Variants in MAP3K5 observed in about 807,000 individuals in gnomAD.
MAP3K5 encodes ASK-1.
In MAP3K5, 56 loss-of-function variants were observed where a neutral mutation model predicts 158.7. The observed-to-expected ratio is 0.35, with a 90% CI of 0.28 to 0.44. MAP3K5 has a LOEUF of 0.44. Ranked by LOEUF, MAP3K5 falls within the 20% of genes least tolerant of loss-of-function variation. The pLI is 1.00. For synonymous variants in MAP3K5, 579 were observed against 601.7 expected, an observed-to-expected ratio of 0.96 and a Z score of 0.55; for missense variants, 1,294 against 1,674.8, an observed-to-expected ratio of 0.77 and a Z score of 3.97.
chr6:136,629,705 T>C (rs1205714388), intron 14 of MAP3K5, among the ~76,000 whole-genome samples: 3 of 152,082 alleles, frequency 2.0e-5, no homozygotes, highest in East Asian at 3.9e-4. Context: ...CCACCCGCCT[T>C]GGTCTCCCAA....
intron 14 of MAP3K5, among the ~76,000 whole-genome samples, chr6:136,629,628 G>C (rs1470256093): frequency 2.4e-4 from 37 of 151,844 alleles, no homozygotes; most frequent in African/African-American, 8.9e-4. Context: ...CTAATTTTTT[G>C]TATTTTTAGT....
intron 7 of MAP3K5, 67 bp downstream of exon 7, chr6:136,694,073 T>A (rs927721809): frequency 3.6e-5 from 46 of 1,261,788 alleles, no homozygotes; most frequent in Admixed American, 6.3e-5. Context: ...AACACTCTCA[T>A]TTGCAAATAC....
intron 7 of MAP3K5, among the ~76,000 whole-genome samples, chr6:136,681,036 T>A (rs1779911602): frequency 6.6e-6 from 1 of 152,228 alleles, no homozygotes; most frequent in Admixed American, 6.5e-5. Context: ...ATGATTAATC[T>A]ATGCTGTCAG....
intron 1 of MAP3K5, among the ~76,000 whole-genome samples, chr6:136,742,610 C>T (rs1168064867): frequency 6.6e-6 from 1 of 151,742 alleles, no homozygotes; most frequent in Admixed American, 6.6e-5. Context: ...TTTTTAGATA[C>T]AATATCAAAG....
chr6:136,758,406 AC>A (rs1783600055), intron 1 of MAP3K5, among the ~76,000 whole-genome samples: 1 of 152,248 alleles, frequency 6.6e-6, no homozygotes, highest in Non-Finnish European at 1.5e-5. Flanking sequence ...GAAAATGACA[AC>A]AGTCTCTGAA....
At chr6:136,618,379 A>G (rs547016865) in intron 15 of MAP3K5, among the ~76,000 whole-genome samples, 2 of 152,258 alleles carry the variant, frequency 1.3e-5, no homozygotes, top group Non-Finnish European at 2.9e-5. Context: ...GTTCAAGCTA[A>G]GGGCTTGTCA....
intron 1 of MAP3K5, among the ~76,000 whole-genome samples, chr6:136,764,558 T>C (rs1183253116): frequency 6.6e-6 from 1 of 152,158 alleles, no homozygotes; most frequent in African/African-American, 2.4e-5. Context: ...ACCAAGTTTA[T>C]GTGAAACAGA....
At chr6:136,606,428 G>A (rs2129087940) in intron 18 of MAP3K5, among the ~76,000 whole-genome samples, 1 of 152,274 alleles carries the variant, frequency 6.6e-6, no homozygotes, top group South Asian at 2.1e-4. Flanking sequence ...GAGGTGGAGA[G>A]TGTGGTATAA....
intron 18 of MAP3K5, among the ~76,000 whole-genome samples, chr6:136,605,970 T>G (rs148660656): frequency 1.3e-5 from 2 of 152,226 alleles, no homozygotes; most frequent in African/African-American, 4.8e-5. Context: ...CTCCTGCTGC[T>G]GTCTGTGGTC....
chr6:136,582,919 A>G (rs1185917889), intron 24 of MAP3K5, among the ~76,000 whole-genome samples: 1 of 152,194 alleles, frequency 6.6e-6, no homozygotes, highest in African/African-American at 2.4e-5. Context: ...AATGCAGTAC[A>G]GAAGACTGGC....
intron 1 of MAP3K5, among the ~76,000 whole-genome samples, chr6:136,742,247 A>G (rs1782739955): frequency 1.3e-5 from 2 of 152,218 alleles, no homozygotes; most frequent in East Asian, 3.9e-4. Flanking sequence ...CTAAAGCTCT[A>G]TAACAAGACA....
At chr6:136,656,555 T>C in intron 9 of MAP3K5, 95 bp from the exon 10 acceptor site, 5 of 753,508 alleles carry the variant, frequency 6.6e-6, no homozygotes, top group Non-Finnish European at 8.8e-6. Context: ...AATTTATACA[T>C]GACATTAATA....
intron 14 of MAP3K5, among the ~76,000 whole-genome samples, chr6:136,630,708 C>T (rs1333627896): frequency 6.6e-6 from 1 of 152,196 alleles, no homozygotes; most frequent in Non-Finnish European, 1.5e-5. Flanking sequence ...TCATTAGTCT[C>T]CCACCATACA....
At chr6:136,700,207 C>T (rs573558181) in intron 3 of MAP3K5, among the ~76,000 whole-genome samples, 30 of 152,232 alleles carry the variant, frequency 2.0e-4, no homozygotes, top group South Asian at 1.9e-3. Context: ...AATCAAAATA[C>T]ACAATCAAAA....
chr6:136,639,517 T>C (rs1216917128), intron 13 of MAP3K5, 26 bp downstream of exon 13: 2 of 1,338,288 alleles, frequency 1.5e-6, no homozygotes, highest in Non-Finnish European at 2.1e-6. Flanking sequence ...GAAGAATCTT[T>C]TTCACACACA....
chr6:136,711,014 C>T (rs1583459514), intron 2 of MAP3K5, among the ~76,000 whole-genome samples: 1 of 152,120 alleles, frequency 6.6e-6, no homozygotes, highest in South Asian at 2.1e-4. Flanking sequence ...GAAACACCCC[C>T]GTACCCTTTC....
intron 14 of MAP3K5, among the ~76,000 whole-genome samples, chr6:136,628,757 G>T (rs1233989687): frequency 6.6e-6 from 1 of 152,182 alleles, no homozygotes; most frequent in Non-Finnish European, 1.5e-5. Flanking sequence ...ATTGTAAAAA[G>T]AGCAGTGTTA....
intron 23 of MAP3K5, among the ~76,000 whole-genome samples, chr6:136,584,106 A>G (rs1775009698): frequency 6.6e-6 from 1 of 152,218 alleles, no homozygotes; most frequent in African/African-American, 2.4e-5. Context: ...GCTGGTCAGT[A>G]GCCATGATAT....
chr6:136,636,063 T>C (rs924037590), intron 14 of MAP3K5, among the ~76,000 whole-genome samples: 4 of 152,212 alleles, frequency 2.6e-5, no homozygotes, highest in Non-Finnish European at 5.9e-5. Context: ...ACATTAAAAA[T>C]ATAATTTTCA....
Sources: allele counts gnomAD v4.1 joint callset (sites outside exome capture counted in the v4.1 genomes callset), GRCh38; gene constraint gnomAD v4.1.1; transcripts MANE v1.5; gene names NCBI Gene and HGNC (gene_info 2026-07-23, HGNC 2026-07-21).